The following LEF1 variants were observed in gnomAD, a reference collection of about 807,000 sequenced individuals.
LEF1 encodes the protein lymphoid enhancer-binding factor 1.
Under a neutral mutation model 51.2 loss-of-function variants are expected in LEF1, and 14 were observed. The observed-to-expected ratio is 0.27, with a 90% CI of 0.18 to 0.43. The LOEUF is 0.43. Ranked by LOEUF, LEF1 falls within the 20% of genes least tolerant of loss-of-function variation. The probability of loss-of-function intolerance (pLI) is 1.00; values close to 1 mark genes in which losing one functional copy is unlikely to be tolerated. For missense variants in LEF1, 386 were observed against 512.0 expected (o/e 0.75, Z 2.37); for synonymous variants, 185 against 183.2 (o/e 1.01, Z -0.08).
intron 3 of LEF1, among the ~76,000 whole-genome samples, chr4:108,156,663 A>C (rs544244378): frequency 2.8e-4 from 43 of 152,304 alleles, no homozygotes; most frequent in African/African-American, 9.9e-4. Context: ...TTACTTTATG[A>C]TGGTAACTGA....
chr4:108,053,166 C>T (rs1737113758), intron 11 of LEF1, among the ~76,000 whole-genome samples: 1 of 152,068 alleles, frequency 6.6e-6, no homozygotes, highest in Admixed American at 6.6e-5. Flanking sequence ...GCAGCCACCC[C>T]CAGGATATCA....
At chr4:108,095,527 C>A (rs1159003023) in intron 3 of LEF1, among the ~76,000 whole-genome samples, 1 of 152,148 alleles carries the variant, frequency 6.6e-6, no homozygotes, top group Non-Finnish European at 1.5e-5. Flanking sequence ...CCAAACTACC[C>A]CCCAACCAAG....
chr4:108,051,808 TG>T (rs1240906124), intron 11 of LEF1, among the ~76,000 whole-genome samples: 1 of 151,312 alleles, frequency 6.6e-6, no homozygotes, highest in East Asian at 1.9e-4. Context: ...AATGGAACCA[TG>T]AACCCAAATG....
At chr4:108,116,605 G>A (rs1266769082) in intron 3 of LEF1, among the ~76,000 whole-genome samples, 1 of 152,172 alleles carries the variant, frequency 6.6e-6, no homozygotes, top group Non-Finnish European at 1.5e-5. Context: ...CCCTCATGAT[G>A]GCCACACACA....
At chr4:108,144,470 A>G (rs146892073) in intron 3 of LEF1, among the ~76,000 whole-genome samples, 118 of 152,354 alleles carry the variant, frequency 7.7e-4, no homozygotes, top group Middle Eastern at 3.4e-3. Context: ...ATCTACAATC[A>G]TATGTCAATA....
intron 3 of LEF1, among the ~76,000 whole-genome samples, chr4:108,144,469 C>T (rs963735979): frequency 2.6e-5 from 4 of 152,218 alleles, no homozygotes; most frequent in Non-Finnish European, 4.4e-5. Context: ...GATCTACAAT[C>T]ATATGTCAAT....
chr4:108,076,823 T>C (rs919661581), intron 8 of LEF1, among the ~76,000 whole-genome samples: 8 of 151,468 alleles, frequency 5.3e-5, no homozygotes, highest in African/African-American at 1.7e-4. Flanking sequence ...GAGTTCAAGA[T>C]CAACCTGGCC....
chr4:108,066,478 G>A (rs1738087513), intron 9 of LEF1, among the ~76,000 whole-genome samples: 1 of 152,106 alleles, frequency 6.6e-6, no homozygotes, highest in Admixed American at 6.6e-5. Flanking sequence ...TGCCTCACAG[G>A]TGCTATAATG....
intron 3 of LEF1, among the ~76,000 whole-genome samples, chr4:108,153,412 G>A (rs1744481439): frequency 6.6e-6 from 1 of 152,118 alleles, no homozygotes; most frequent in South Asian, 2.1e-4. Context: ...GTATTATACT[G>A]CCTGATACTG....
chr4:108,087,082 C>T (rs1204769617), intron 4 of LEF1, among the ~76,000 whole-genome samples: 1 of 152,008 alleles, frequency 6.6e-6, no homozygotes, highest in Non-Finnish European at 1.5e-5. Context: ...GCCTCAGTAC[C>T]ATCATGCCCT....
chr4:108,134,035 G>C (rs909323968), intron 3 of LEF1, among the ~76,000 whole-genome samples: 1 of 152,054 alleles, frequency 6.6e-6, no homozygotes, highest in Non-Finnish European at 1.5e-5. Flanking sequence ...GTGGGGTCCA[G>C]GGAAGCACTC....
rs1736707002 is a variant in LEF1 at position 108,047,693 on chromosome 4, T to C, written c.*1065A>G. 1 of 152,652 alleles carries C rather than the reference T, an allele frequency of 6.6e-6. No individual in the cohort carries two copies. Among genetic ancestry groups the C allele is most frequent in the Non-Finnish European group, 1.5e-5 (1 of 68,040 alleles). The allele number at this position is 152,652 out of a possible 1,614,324, so 9.5% of individuals were successfully genotyped here. On this transcript the variant is annotated 3_prime_UTR_variant, in exon 12 of 12. Transcript: ENST00000265165. ...TTTTAAAAAATGGGTACATCAATGC[T>C]CATTTTAACAACTGGCATAAAATCC... is the stretch of plus-strand genomic sequence containing the variant.
At chr4:108,149,489 A>T (rs971306957) in intron 3 of LEF1, among the ~76,000 whole-genome samples, 2 of 149,174 alleles carry the variant, frequency 1.3e-5, no homozygotes, top group Non-Finnish European at 3.0e-5. Flanking sequence ...GATTATAAAT[A>T]TATTTTTAAC....
chr4:108,166,670 C>T, intron 1 of LEF1: 2 of 1,002,196 alleles, frequency 2.0e-6, no homozygotes, highest in Non-Finnish European at 2.4e-6. Context: ...GCTCTATCGC[C>T]CGCAGCGGGC....
At chr4:108,085,091 T>C (rs575294079) in intron 4 of LEF1, among the ~76,000 whole-genome samples, 3 of 152,296 alleles carry the variant, frequency 2.0e-5, no homozygotes, top group African/African-American at 7.2e-5. Flanking sequence ...TTATTTTATT[T>C]TATTTTGTTT....
At chr4:108,148,569 G>A (rs1253858165) in intron 3 of LEF1, among the ~76,000 whole-genome samples, 1 of 152,192 alleles carries the variant, frequency 6.6e-6, no homozygotes, top group Non-Finnish European at 1.5e-5. Context: ...TTGCACAAGT[G>A]TCTCTCCCTC....
intron 3 of LEF1, among the ~76,000 whole-genome samples, chr4:108,131,847 T>G (rs1356512988): frequency 6.6e-6 from 1 of 152,226 alleles, no homozygotes; most frequent in Admixed American, 6.5e-5. Context: ...GTATAGGGTA[T>G]GATGATATAA....
rs1476256922 is a variant in LEF1, at chr4:108,167,494, CCTCT to C, written c.213+57_213+60del. 109 of 1,566,070 alleles carry C rather than the reference CCTCT, an allele frequency of 7.0e-5. No individual in the cohort carries two copies. The highest frequency in any genetic ancestry group is 1.3e-4 in the East Asian group (6 of 44,574). ...GCCGGGCGCCTTCGTTCCCTTCCTC[CCTCT>C]CTGAGTTTCCCAGGGACCCGCCACG... is the stretch of plus-strand genomic sequence containing the variant. On this transcript the variant is annotated intron_variant, in intron 1 of 11. Transcript: ENST00000265165. This position sits in a 1 kb window ranked among gnomAD's most constrained non-coding sequence, Gnocchi z 5.7.
intron 4 of LEF1, among the ~76,000 whole-genome samples, chr4:108,087,563 T>C (rs921462450): frequency 3.9e-5 from 6 of 152,126 alleles, no homozygotes; most frequent in African/African-American, 1.2e-4. Context: ...TATTAAAAAA[T>C]TGAACTGTCC....
Sources: gnomAD v4.1 joint callset for allele counts (sites outside exome capture counted in the v4.1 genomes callset) on GRCh38, gnomAD v4.1.1 for gene constraint, Gnocchi (gnomAD v3.1) non-coding constraint, MANE v1.5 for transcripts, NCBI Gene and HGNC (gene_info 2026-07-23, HGNC 2026-07-21) for gene names.